HCN1: variants seen among roughly 807,000 people sequenced by gnomAD.
HCN1 encodes the protein hyperpolarization activated cyclic nucleotide gated potassium channel 1.
In HCN1, 13 loss-of-function variants were observed where a neutral mutation model predicts 78.9. The ratio of observed to expected loss-of-function variants is 0.16; its 90% CI spans 0.11 to 0.26. The LOEUF is 0.26. Among genes scored for constraint, HCN1 ranks in the 10% least tolerant of loss-of-function variants. HCN1 has a pLI of 1.00. For missense variants in HCN1, 810 were observed against 1,154.3 expected (o/e 0.70, Z 4.32); for synonymous variants, 552 against 455.5 (o/e 1.21, Z -2.70).
intron 2 of HCN1, among the ~76,000 whole-genome samples, chr5:45,466,528 G>A (rs1741273992): frequency 6.6e-6 from 1 of 151,990 alleles, no homozygotes; most frequent in Non-Finnish European, 1.5e-5. Context: ...TTTAAAAGGT[G>A]TAAAACAAGG....
At chr5:45,341,329 C>T (rs920487046) in intron 5 of HCN1, among the ~76,000 whole-genome samples, 2 of 152,212 alleles carry the variant, frequency 1.3e-5, no homozygotes, top group African/African-American at 4.8e-5. Context: ...GTAGACATCA[C>T]AATTGCTCAG....
At chr5:45,299,188 G>C (rs2111897608) in intron 6 of HCN1, among the ~76,000 whole-genome samples, 1 of 152,064 alleles carries the variant, frequency 6.6e-6, no homozygotes, top group South Asian at 2.1e-4. Context: ...AAAGGACATT[G>C]GGTAAAGACT....
intron 1 of HCN1, among the ~76,000 whole-genome samples, chr5:45,665,361 A>G (rs1159736252): frequency 6.7e-6 from 1 of 150,058 alleles, no homozygotes; most frequent in Non-Finnish European, 1.5e-5. Context: ...TGACGAGTTA[A>G]TGGGTGCAGC....
At chr5:45,317,686 A>T (rs1746024447) in intron 5 of HCN1, among the ~76,000 whole-genome samples, 1 of 152,198 alleles carries the variant, frequency 6.6e-6, no homozygotes, top group Non-Finnish European at 1.5e-5. Flanking sequence ...GCTAATATCC[A>T]GAATCTACAA....
At chr5:45,319,736 T>G (rs1386780037) in intron 5 of HCN1, among the ~76,000 whole-genome samples, 2 of 151,696 alleles carry the variant, frequency 1.3e-5, no homozygotes, top group Non-Finnish European at 2.9e-5. Context: ...AAAAAATGAG[T>G]TTGATATATT....
chr5:45,517,520 TAAAAAAA>T (rs773490588), intron 2 of HCN1, among the ~76,000 whole-genome samples: 3 of 94,384 alleles, frequency 3.2e-5, no homozygotes, highest in African/African-American at 1.2e-4. Context: ...AATTTCCCCT[TAAAAAAA>T]AAAAAAAAAA....
Position 45,435,957 on chromosome 5 carries a change from C to T in HCN1, c.1011+25889G>A, listed in dbSNP as rs188540129. Among the ~76,000 whole-genome samples the T allele has an allele frequency of 2.7e-3, 408 of 152,202 alleles. 2 individuals are homozygous for T. The highest frequency in any genetic ancestry group is 9.1e-3 in the African/African-American group (376 of 41,544). On this transcript the variant is annotated intron_variant, in intron 3 of 7. Transcript: ENST00000303230. Reference sequence around the variant, plus strand: ...CAGTGGGGTCTGTTCTATAGACCCCCGCCAATAAAATTCCATTATTTCAGC... The same window carrying T: ...CAGTGGGGTCTGTTCTATAGACCCCTGCCAATAAAATTCCATTATTTCAGC...
chr5:45,493,837 G>T (rs1340298009), intron 2 of HCN1, among the ~76,000 whole-genome samples: 1 of 148,816 alleles, frequency 6.7e-6, no homozygotes, highest in South Asian at 2.1e-4. Flanking sequence ...ACCTATGAGT[G>T]AGAATATGCG....
chr5:45,387,478 A>G (rs1747949387), intron 4 of HCN1, among the ~76,000 whole-genome samples: 1 of 152,142 alleles, frequency 6.6e-6, no homozygotes, highest in African/African-American at 2.4e-5. Flanking sequence ...TTTTTTAATA[A>G]CAGTGATATC....
chr5:45,307,516 C>A (rs1380745271), intron 5 of HCN1, among the ~76,000 whole-genome samples: 2 of 152,092 alleles, frequency 1.3e-5, no homozygotes, highest in Non-Finnish European at 2.9e-5. Context: ...TTGATGTAAT[C>A]AGAAGAGCAT....
intron 6 of HCN1, among the ~76,000 whole-genome samples, chr5:45,303,156 A>G (rs1745661049): frequency 6.6e-6 from 1 of 152,028 alleles, no homozygotes; most frequent in Non-Finnish European, 1.5e-5. Flanking sequence ...GATTTTTGCA[A>G]TTTCTGGGCA....
chr5:45,622,474 C>T (rs377096597), intron 2 of HCN1, among the ~76,000 whole-genome samples: 1 of 151,962 alleles, frequency 6.6e-6, no homozygotes, highest in Non-Finnish European at 1.5e-5. Flanking sequence ...TCACATTTTC[C>T]TAATTTTAAA....
chr5:45,450,011 T>G lies in HCN1; in HGVS notation c.1011+11835A>C, dbSNP rs560844785. 2.7e-3 allele frequency among the ~76,000 whole-genome samples: 409 copies of G among 152,242 alleles called. 2 individuals carry two copies. The highest frequency in any genetic ancestry group is 9.1e-3 in the African/African-American group (378 of 41,544). On this transcript the variant is annotated intron_variant, in intron 3 of 7. Transcript: ENST00000303230. ...CCACGTCCGGCTAATTTTTGTATTTTTAGAAGAGACGAGGTTTCACCATGT... is the reference window on the plus strand; with the variant it reads ...CCACGTCCGGCTAATTTTTGTATTTGTAGAAGAGACGAGGTTTCACCATGT...
chr5:45,302,160 T>C (rs1745640297), intron 6 of HCN1, among the ~76,000 whole-genome samples: 1 of 152,008 alleles, frequency 6.6e-6, no homozygotes, highest in Non-Finnish European at 1.5e-5. Context: ...CCCCAACAAA[T>C]TTCATCTCAA....
intron 5 of HCN1, among the ~76,000 whole-genome samples, chr5:45,318,809 C>T (rs954784927): frequency 4.0e-5 from 6 of 151,798 alleles, no homozygotes; most frequent in Non-Finnish European, 8.8e-5. Flanking sequence ...TATAACCAGC[C>T]GGATTCAAAT....
intron 3 of HCN1, among the ~76,000 whole-genome samples, chr5:45,430,015 G>A (rs1022483776): frequency 2.6e-5 from 4 of 151,690 alleles, no homozygotes; most frequent in African/African-American, 9.7e-5. Flanking sequence ...AATAAGAATT[G>A]AGCTATTATA....
intron 2 of HCN1, chr5:45,575,617 A>G (rs1178517502): frequency 6.6e-6 from 1 of 152,122 alleles, no homozygotes; most frequent in Admixed American, 6.6e-5. Context: ...CCTGTGCTCT[A>G]TAAATAAAAT....
chr5:45,487,465 T>C lies in HCN1; in HGVS notation c.850-25458A>G, dbSNP rs1396261797. On this transcript the variant is annotated intron_variant, in intron 2 of 7. Coordinates refer to ENST00000303230, the MANE Select transcript of HCN1 (RefSeq NM_021072.4). ...GTGCAGTCAGCTCTATGTATTCTGT[T>C]GGTTAGAGCAATGCATGGTGGCCCA... Among the ~76,000 whole-genome samples, 23 of 152,104 alleles carry C rather than the reference T, an allele frequency of 1.5e-4. 1 individual carries two copies.
At chr5:45,352,949 T>G in intron 5 of HCN1, 151 bp downstream of exon 5, 1 of 633,832 alleles carries the variant, frequency 1.6e-6, no homozygotes, top group East Asian at 2.8e-5. Flanking sequence ...ATTTAAGAGC[T>G]TATGTAGGTG....
Sources: gnomAD v4.1 joint callset for allele counts (sites outside exome capture counted in the v4.1 genomes callset) on GRCh38, gnomAD v4.1.1 for gene constraint, MANE v1.5 for transcripts, NCBI Gene and HGNC (gene_info 2026-07-23, HGNC 2026-07-21) for gene names.